Variants in ELK1 observed in about 807,000 individuals in gnomAD.
The protein encoded by ELK1 is ETS domain-containing protein Elk-1.
For synonymous variants in ELK1, 163 were observed against 176.3 expected (o/e 0.92, Z 0.60); for missense variants, 254 against 381.5 (o/e 0.67, Z 2.78).
At chrX:47,637,713 C>T in intron 5 of ELK1, 38 bp downstream of exon 5, 4 of 1,149,503 alleles carry the variant, frequency 3.5e-6, no homozygotes, top group Non-Finnish European at 4.7e-6. Context: ...CCCATTGGTG[C>T]TGGCGCCCAC....
intron 4 of ELK1, 104 bp downstream of exon 4, chrX:47,638,791 G>A (rs369858276): frequency 3.2e-6 from 3 of 947,592 alleles, no homozygotes; most frequent in African/African-American, 3.9e-5. Flanking sequence ...CTCCTTTAAC[G>A]GGACAGCTAT....
chrX:47,646,109 T>C (rs1448046966), intron 2 of ELK1, among the ~76,000 whole-genome samples: 2 of 111,472 alleles, frequency 1.8e-5, no homozygotes, highest in African/African-American at 3.3e-5. Flanking sequence ...ACTTGAGGGG[T>C]TGACTTTTTT....
rs773009947 is a variant in ELK1 at position 47,639,215 on chromosome X, G to A, written c.334C>T (p.Pro112Ser). 1.7e-6 allele frequency: 2 copies of A among 1,210,108 alleles called. No homozygotes were observed. The highest frequency in any genetic ancestry group is 3.5e-5 in the South Asian group (2 of 56,518). ...TGTATAGCAGCAGGGGCCACATTTGGCATGGTGGAGGTAACAGACACCTCT... is the reference window on the plus strand; with the variant it reads ...TGTATAGCAGCAGGGGCCACATTTGACATGGTGGAGGTAACAGACACCTCT... ...QPEVSVTSTM[P>S]NVAPAAIHAA... The change falls in exon 4 of 7, where the codon CCA becomes TCA. Residue 112 changes from proline to serine, a missense_variant. Coordinates refer to ENST00000376983, the MANE Select transcript of ELK1 (RefSeq NM_001114123.3).
rs1297351686 is a variant in ELK1 at position 47,636,223 on chromosome X, A to C, written c.*606T>G. 8.9e-6 allele frequency: 1 copy of C among 112,331 alleles called. No homozygotes were observed. The highest frequency in any genetic ancestry group is 1.9e-5 in the Non-Finnish European group (1 of 53,211). The allele number at this position is 112,331 out of a possible 1,213,427, so 9.3% of individuals were successfully genotyped here. On this transcript the variant is annotated 3_prime_UTR_variant, in exon 7 of 7. Coordinates refer to ENST00000376983, the MANE Select transcript of ELK1 (RefSeq NM_001114123.3). ...GGTTGAAAAGGATAAGCTGTCTGAG[A>C]GAAAGGTTGGGGAGGTGGAAATTTC...
In ELK1 at chrX:47,642,752, C is replaced by A. The variant is rs983576855; in HGVS notation, c.-34-1277G>T. Reference sequence around the variant, plus strand: ...TAGCTGGGATTACAGGTACCCACGACCACGCCCGGCTAATTTTTGTATTTT... The same window carrying A: ...TAGCTGGGATTACAGGTACCCACGAACACGCCCGGCTAATTTTTGTATTTT... On this transcript the variant is annotated intron_variant, in intron 2 of 6. Coordinates refer to ENST00000376983, the MANE Select transcript of ELK1 (RefSeq NM_001114123.3). 5.4e-5 allele frequency among the ~76,000 whole-genome samples: 6 copies of A among 110,364 alleles called. No homozygotes were observed. The Admixed American group carries it at 5.8e-4, about 11-fold the overall frequency.
At chrX:47,648,768 G>C (rs2058050928) in intron 2 of ELK1, 1 of 111,164 alleles carries the variant, frequency 9.0e-6, no homozygotes, top group Admixed American at 9.5e-5. Flanking sequence ...ATTTACACTG[G>C]AAGGGATTCT....
intron 4 of ELK1, among the ~76,000 whole-genome samples, chrX:47,638,687 C>A (rs1270964336): frequency 3.6e-5 from 4 of 112,140 alleles, no homozygotes; most frequent in Admixed American, 9.3e-5. Flanking sequence ...CAGCTACTAA[C>A]TGTAGCACAG....
rs766856474 is a variant in ELK1 at position 47,638,808 on chromosome X, T to C, written c.654+87A>G. Reference sequence around the variant, plus strand: ...CCTTTAACGGGACAGCTATGTCTCTTCTACCAGCCTCCCTCGTCATCCGGG... The same window carrying C: ...CCTTTAACGGGACAGCTATGTCTCTCCTACCAGCCTCCCTCGTCATCCGGG... On this transcript the variant is annotated intron_variant, in intron 4 of 6. Transcript: ENST00000376983. 43 of 1,046,344 alleles carry C rather than the reference T, an allele frequency of 4.1e-5. 1 individual carries two copies. The South Asian group carries it at 7.8e-4, about 19-fold the overall frequency. 86.2% of individuals were successfully genotyped at this position (1,046,344 alleles called of 1,213,427 possible). A position where few individuals can be genotyped will look rare whatever the true frequency, so the allele number is the denominator to read the frequency against.
chrX:47,637,610 G>C lies in ELK1; in HGVS notation c.1086+141C>G, dbSNP rs754212530. The C allele has an allele frequency of 1.6e-5, 13 of 792,921 alleles. No individual in the cohort carries two copies. The South Asian group carries it at 3.6e-4, about 22-fold the overall frequency. The allele number at this position is 792,921 out of a possible 1,213,427, so 65.3% of individuals were successfully genotyped here. A position where few individuals can be genotyped will look rare whatever the true frequency, so the allele number is the denominator to read the frequency against. On this transcript the variant is annotated intron_variant, in intron 5 of 6. Coordinates refer to ENST00000376983, the MANE Select transcript of ELK1 (RefSeq NM_001114123.3). The stretch of plus-strand genomic sequence containing the variant: ...AACCCCATCCCTCCAGCCAGCATCA[G>C]CCCAGTCAATCACACTCAAAGGCTC...
Position 47,638,246 on chromosome X carries a change from G to A in ELK1, c.655-64C>T, listed in dbSNP as rs1280556597. 3 of 1,150,993 alleles carry A rather than the reference G, an allele frequency of 2.6e-6. No homozygotes were observed. In the African/African-American group the frequency reaches 5.4e-5, roughly 21 times the overall value. The allele number at this position is 1,150,993 out of a possible 1,213,427, so 94.9% of individuals were successfully genotyped here. ...TGTTGGGACCACAGGATTCTCCTGT[G>A]GGCCACCCAGTGATTTCCCCGGGAA... On this transcript the variant is annotated intron_variant, in intron 4 of 6. Transcript: ENST00000376983.
At chrX:47,649,840 G>GT (rs2058054824) in intron 2 of ELK1, 81 bp downstream of exon 2, 1 of 99,364 alleles carries the variant, frequency 1.0e-5, no homozygotes, top group East Asian at 3.3e-4. Context: ...TGGTGGGGGG[G>GT]GGGGGTGGTT....
At chrX:47,643,903 G>T (rs992485516) in intron 2 of ELK1, among the ~76,000 whole-genome samples, 1 of 111,668 alleles carries the variant, frequency 9.0e-6, no homozygotes, top group Non-Finnish European at 1.9e-5. Flanking sequence ...TTCACCATTA[G>T]GCTAAACGGC....
At chrX:47,640,083 A>C (rs2058023463) in intron 3 of ELK1, among the ~76,000 whole-genome samples, 1 of 111,447 alleles carries the variant, frequency 9.0e-6, no homozygotes, top group African/African-American at 3.3e-5. Context: ...TTAGACAAGA[A>C]TATTAAAAAT....
rs1227543183 is a variant in ELK1 at position 47,637,837 on chromosome X, C to G, written c.1000G>C (p.Glu334Gln). ...CCACTTCCCGATCCTGGGGTCCGTT[C>G]GGGTCCCGGCCCACCTAGCAGGCTC... ...SPSLLGGPGPERTPGSGSGSG... is the reference protein window; with the variant it reads ...SPSLLGGPGPQRTPGSGSGSG... The change falls in exon 5 of 7, where the codon GAA becomes CAA. Residue 334 changes from glutamate to glutamine, a missense_variant. By Grantham distance (29) the Glu-to-Gln change is conservative (BLOSUM62 2). Coordinates refer to ENST00000376983, the MANE Select transcript of ELK1 (RefSeq NM_001114123.3). 8.4e-7 allele frequency: 1 copy of G among 1,196,177 alleles called. No individual in the cohort carries two copies. Among genetic ancestry groups the G allele is most frequent in the East Asian group, 3.0e-5 (1 of 33,135 alleles).
Position 47,638,973 on chromosome X carries a change from G to C in ELK1, c.576C>G (p.Pro192=), listed in dbSNP as rs199605232. Residue 192 remains proline (P), a synonymous_variant, in exon 4 of 7, where the codon CCC becomes CCG. Transcript: ENST00000376983. ...GACTGGTGCTCCTGCTCCCCGAGGG[G>C]GGCGCTGCTGCCCCTGCAGGAGCTG... ...PSAAPAGAAA[P]PSGSRSTSPS... The C allele has an allele frequency of 5.4e-4, 645 of 1,199,163 alleles. 2 individuals carry two copies. Among genetic ancestry groups the C allele is most frequent in the Non-Finnish European group, 7.0e-4 (619 of 889,528 alleles).
intron 4 of ELK1, 25 bp downstream of exon 4, chrX:47,638,870 T>A: frequency 8.4e-7 from 1 of 1,186,926 alleles, no homozygotes. Context: ...CTCCTCTTAC[T>A]GAATTTCTAT....
intron 2 of ELK1, among the ~76,000 whole-genome samples, chrX:47,647,281 C>T (rs758024042): frequency 2.6e-4 from 28 of 108,737 alleles, no homozygotes; most frequent in African/African-American, 9.4e-4. Context: ...CTGCCTCAGC[C>T]TCCCAAGTAA....
chrX:47,639,988 G>A (rs767834434), intron 3 of ELK1, among the ~76,000 whole-genome samples: 19 of 113,000 alleles, frequency 1.7e-4, no homozygotes, highest in Non-Finnish European at 3.4e-4. Context: ...GGTCACTGCA[G>A]AGGAGAGGGT....
rs1419019670 is a variant in ELK1, at chrX:47,650,448, G to A, written c.-166C>T. 2 of 358,688 alleles carry A rather than the reference G, an allele frequency of 5.6e-6. No homozygotes were observed. The highest frequency in any genetic ancestry group is 1.1e-5 in the Non-Finnish European group (2 of 184,520). 29.6% of individuals were successfully genotyped at this position (358,688 alleles called of 1,213,427 possible). A position where few individuals can be genotyped will look rare whatever the true frequency, so the allele number is the denominator to read the frequency against. On this transcript the variant is annotated 5_prime_UTR_variant, in exon 1 of 7. Transcript: ENST00000376983. ...CTGTGTGTAGCGTGGCGGTGGCGTT[G>A]GCAATGTTGGCAGCTCCGGGGGGCG... is the stretch of plus-strand genomic sequence containing the variant.
Sources: allele counts gnomAD v4.1 joint callset (sites outside exome capture counted in the v4.1 genomes callset), GRCh38; gene constraint gnomAD v4.1.1; transcripts MANE v1.5; gene names NCBI Gene and HGNC (gene_info 2026-07-23, HGNC 2026-07-21).